C12orf43: variants seen among roughly 807,000 people sequenced by gnomAD.
C12orf43 encodes protein CUSTOS.
Under a neutral mutation model 20.6 loss-of-function variants are expected in C12orf43, and 15 were observed. The observed-to-expected ratio is 0.73, with a 90% CI of 0.49 to 1.12. The LOEUF is 1.12. C12orf43 is among the 50% of genes most tolerant of loss of function. C12orf43 has a pLI of 0.00. For missense variants in C12orf43, 334 were observed against 344.4 expected (o/e 0.97, Z 0.24); for synonymous variants, 144 against 130.8 (o/e 1.10, Z -0.69).
At position 121,004,623 on chromosome 12, in the gene C12orf43, G is replaced by A; in HGVS notation, c.453-134C>T. The A allele has an allele frequency of 1.1e-6, 1 of 904,578 alleles. No individual in the cohort carries two copies. Among genetic ancestry groups the A allele is most frequent in the South Asian group, 1.7e-5 (1 of 58,924 alleles). The allele number at this position is 904,578 out of a possible 1,614,324, so 56.0% of individuals were successfully genotyped here. On this transcript the variant is annotated intron_variant, in intron 5 of 5. Transcript: ENST00000288757. This position sits in a 1 kb window ranked among gnomAD's most constrained non-coding sequence, Gnocchi z 5.6. ...GAGGCAGGTAGTGAGTTCAGGCTTG[G>A]GAGTGAGGCCAACCTGGCTTCCAAT... is the stretch of plus-strand genomic sequence containing the variant.
chr12:121,011,746 T>C (rs1249991331), intron 1 of C12orf43, among the ~76,000 whole-genome samples: 4 of 152,142 alleles, frequency 2.6e-5, no homozygotes, highest in Non-Finnish European at 5.9e-5. Flanking sequence ...CTAAGTGTGA[T>C]TTGACTGCAC....
In C12orf43 at chr12:121,001,691, C is replaced by T. The variant is rs964610441; in HGVS notation, c.*2462G>A. ...ACCGGGCCACTCCTTCCTGCCCCAACTCCTTCCAGCTAGTGACCCACATGC... is the reference window on the plus strand; with the variant it reads ...ACCGGGCCACTCCTTCCTGCCCCAATTCCTTCCAGCTAGTGACCCACATGC... On this transcript the variant is annotated 3_prime_UTR_variant, in exon 6 of 6. Transcript: ENST00000288757. 4.6e-5 allele frequency: 22 copies of T among 481,286 alleles called. No individual in the cohort carries two copies. Among genetic ancestry groups the T allele is most frequent in the Middle Eastern group, 3.0e-4 (1 of 3,304 alleles). The allele number at this position is 481,286 out of a possible 1,614,324, so 29.8% of individuals were successfully genotyped here.
rs745374340 is a variant in C12orf43, at chr12:121,004,092, C to T, written c.*61G>A. ...AGGTGGGGCTTGGAAATGCCTTGTC[C>T]CCAGGGTGGGGGGGACACCTTGTCC... is the stretch of plus-strand genomic sequence containing the variant. On this transcript the variant is annotated 3_prime_UTR_variant, in exon 6 of 6. Coordinates refer to ENST00000288757, the MANE Select transcript of C12orf43 (RefSeq NM_022895.3). The surrounding 1 kb of genome is among the most constrained non-coding windows in gnomAD (Gnocchi z 5.6). 4 of 1,571,156 alleles carry T rather than the reference C, an allele frequency of 2.5e-6. No homozygotes were observed. The Admixed American group carries it at 6.7e-5, about 26-fold the overall frequency.
intron 3 of C12orf43, among the ~76,000 whole-genome samples, chr12:121,008,026 GGGAA>G (rs1436290977): frequency 9.8e-3 from 1 of 102 alleles, no homozygotes; most frequent in African/African-American, 0.025. Context: ...ATCCTATAAT[GGGAA>G]GAAGAAGGAT....
chr12:121,004,028 G>T lies in C12orf43; in HGVS notation c.*125C>A. 1 of 1,099,842 alleles carries T rather than the reference G, an allele frequency of 9.1e-7. No homozygotes were observed. The highest frequency in any genetic ancestry group is 1.4e-6 in the Non-Finnish European group (1 of 724,332). The allele number at this position is 1,099,842 out of a possible 1,614,324, so 68.1% of individuals were successfully genotyped here. A position where few individuals can be genotyped will look rare whatever the true frequency, so the allele number is the denominator to read the frequency against. On this transcript the variant is annotated 3_prime_UTR_variant, in exon 6 of 6. Transcript: ENST00000288757. This position sits in a 1 kb window ranked among gnomAD's most constrained non-coding sequence, Gnocchi z 5.6. ...CATCACCATCAGGGTCTCATGGGCA[G>T]TCTGGGTTTGCCAGCCCAGTCCTTG... is the stretch of plus-strand genomic sequence containing the variant.
chr12:121,008,160 G>A (rs1413354175), intron 3 of C12orf43, among the ~76,000 whole-genome samples: 1 of 151,496 alleles, frequency 6.6e-6, no homozygotes, highest in Non-Finnish European at 1.5e-5. Context: ...TTTGAGATGG[G>A]ATCTCACTCT....
intron 1 of C12orf43, among the ~76,000 whole-genome samples, chr12:121,012,846 G>C (rs1408616395): frequency 1.4e-5 from 1 of 70,776 alleles, no homozygotes; most frequent in Non-Finnish European, 3.1e-5. Flanking sequence ...GCAAGACTCC[G>C]TCTAAAAAAA....
chr12:121,001,289 C>T lies in C12orf43; in HGVS notation c.*2864G>A, dbSNP rs371683540. ...GGAGGACCTGAGCCTGCCGAGCAAC[C>T]GTGGCCCTTCCTGGACAGCTGTGCC... is the stretch of plus-strand genomic sequence containing the variant. On this transcript the variant is annotated 3_prime_UTR_variant, in exon 6 of 6. Coordinates refer to ENST00000288757, the MANE Select transcript of C12orf43 (RefSeq NM_022895.3). 23 of 1,461,032 alleles carry T rather than the reference C, an allele frequency of 1.6e-5. No homozygotes were observed. The highest frequency in any genetic ancestry group is 1.2e-4 in the South Asian group (10 of 83,822). The allele number at this position is 1,461,032 out of a possible 1,614,324, so 90.5% of individuals were successfully genotyped here.
Position 121,000,976 on chromosome 12 carries a change from C to A in C12orf43, c.*3177G>T. On this transcript the variant is annotated 3_prime_UTR_variant, in exon 6 of 6. Transcript: ENST00000288757. The stretch of plus-strand genomic sequence containing the variant: ...CTGTGATCCAGGAGGTGTGGCCCTG[C>A]CTCCCCATCCTGAGTACCCCTAGGG... 1.3e-6 allele frequency: 2 copies of A among 1,560,760 alleles called. No homozygotes were observed. The highest frequency in any genetic ancestry group is 1.8e-6 in the Non-Finnish European group (2 of 1,141,920).
chr12:121,014,566 G>A (rs1868714647), intron 1 of C12orf43, among the ~76,000 whole-genome samples: 1 of 140,852 alleles, frequency 7.1e-6, no homozygotes, highest in Non-Finnish European at 1.5e-5. Flanking sequence ...GGAGGCAGAG[G>A]TTGCAGTGAG....
Position 121,004,564 on chromosome 12 carries a change from C to T in C12orf43, c.453-75G>A. 2.1e-6 allele frequency: 3 copies of T among 1,447,702 alleles called. No homozygotes were observed. Among genetic ancestry groups the T allele is most frequent in the Non-Finnish European group, 2.8e-6 (3 of 1,081,318 alleles). 89.7% of individuals were successfully genotyped at this position (1,447,702 alleles called of 1,614,324 possible). On this transcript the variant is annotated intron_variant, in intron 5 of 5. Transcript: ENST00000288757. The surrounding 1 kb of genome is among the most constrained non-coding windows in gnomAD (Gnocchi z 5.6). ...CCAGAGCTGCCTCTCGCTGTCCTCC[C>T]TTGGTCCAGGTCACCAGAAGGTGGC...
At chr12:121,008,781 T>C (rs1878214728) in intron 3 of C12orf43, among the ~76,000 whole-genome samples, 1 of 152,200 alleles carries the variant, frequency 6.6e-6, no homozygotes, top group South Asian at 2.1e-4. Flanking sequence ...GGAATGACAA[T>C]GGCCCCAAAT....
Position 121,005,507 on chromosome 12 carries a change from G to A in C12orf43, c.362-414C>T, listed in dbSNP as rs112030650. 5.3e-5 allele frequency among the ~76,000 whole-genome samples: 8 copies of A among 152,342 alleles called. No individual in the cohort carries two copies. Among genetic ancestry groups the A allele is most frequent in the African/African-American group, 1.9e-4 (8 of 41,574 alleles). On this transcript the variant is annotated intron_variant, in intron 4 of 5. Coordinates refer to ENST00000288757, the MANE Select transcript of C12orf43 (RefSeq NM_022895.3). The surrounding 1 kb of genome is among the most constrained non-coding windows in gnomAD (Gnocchi z 5.6). Reference sequence around the variant, plus strand: ...ATGCCTGATGGAGCCAGTGGAGGGCGCGCTGGAGCAGGAGCCAGCAGCCAC... The same window carrying A: ...ATGCCTGATGGAGCCAGTGGAGGGCACGCTGGAGCAGGAGCCAGCAGCCAC...
At position 121,003,662 on chromosome 12, in the gene C12orf43, T is replaced by C. The variant is rs1008872509; in HGVS notation, c.*491A>G. On this transcript the variant is annotated 3_prime_UTR_variant, in exon 6 of 6. Coordinates refer to ENST00000288757, the MANE Select transcript of C12orf43 (RefSeq NM_022895.3). ...TCCTTTCTCAGACGATTCTGTGAAGTCTATGTGGGCTAAGGAGAGAAGAAC... is the reference window on the plus strand; with the variant it reads ...TCCTTTCTCAGACGATTCTGTGAAGCCTATGTGGGCTAAGGAGAGAAGAAC... The C allele has an allele frequency of 6.3e-6, 1 of 157,572 alleles. No individual in the cohort carries two copies. Among genetic ancestry groups the C allele is most frequent in the African/African-American group, 2.4e-5 (1 of 41,476 alleles). The allele number at this position is 157,572 out of a possible 1,614,324, so 9.8% of individuals were successfully genotyped here.
rs1414906301 is a variant in C12orf43, at chr12:121,000,879, G to T, written c.*3274C>A. The T allele has an allele frequency of 1.3e-6, 1 of 752,198 alleles. No homozygotes were observed. The highest frequency in any genetic ancestry group is 1.6e-5 in the South Asian group (1 of 62,670). The allele number at this position is 752,198 out of a possible 1,614,324, so 46.6% of individuals were successfully genotyped here. A position where few individuals can be genotyped will look rare whatever the true frequency, so the allele number is the denominator to read the frequency against. On this transcript the variant is annotated 3_prime_UTR_variant, in exon 6 of 6. Coordinates refer to ENST00000288757, the MANE Select transcript of C12orf43 (RefSeq NM_022895.3). ...TACTCAGGCCACTCCATGGGCGGCC[G>T]TGGACCCTGGCTGGGAGGCTCCCTT...
rs1417617546 is a variant in C12orf43, at chr12:121,002,205, C to CT, written c.*1947dup. The CT allele has an allele frequency of 4.4e-6, 2 of 454,608 alleles. No homozygotes were observed. The highest frequency in any genetic ancestry group is 3.9e-5 in the African/African-American group (2 of 51,144). 28.2% of individuals were successfully genotyped at this position (454,608 alleles called of 1,614,324 possible). A position where few individuals can be genotyped will look rare whatever the true frequency, so the allele number is the denominator to read the frequency against. ...GGTGACCCCAGGGCACAGGAGCTACCTGTGTGGACAGGACTAACACTCAGA... is the reference window on the plus strand; with the variant it reads ...GGTGACCCCAGGGCACAGGAGCTACCTTGTGTGGACAGGACTAACACTCAGA... On this transcript the variant is annotated 3_prime_UTR_variant, in exon 6 of 6. Coordinates refer to ENST00000288757, the MANE Select transcript of C12orf43 (RefSeq NM_022895.3).
intron 1 of C12orf43, among the ~76,000 whole-genome samples, chr12:121,013,534 T>A (rs1039063243): frequency 5.3e-5 from 8 of 152,232 alleles, no homozygotes; most frequent in Non-Finnish European, 1.2e-4. Context: ...GAATACGTGG[T>A]CTGCCTCTTT....
In C12orf43 at chr12:121,010,809, A is replaced by C; in HGVS notation, c.287+19T>G. 2 of 1,577,680 alleles carry C rather than the reference A, an allele frequency of 1.3e-6. 1 individual carries two copies. The highest frequency in any genetic ancestry group is 2.3e-5 in the South Asian group (2 of 86,936). On this transcript the variant is annotated intron_variant, in intron 3 of 5. Coordinates refer to ENST00000288757, the MANE Select transcript of C12orf43 (RefSeq NM_022895.3). ...CATATTAACAAGGGCAAGAGAGGAG[A>C]AACTCCACCTTTGTTTACCTGTCCA...
chr12:121,005,142 GA>G lies in C12orf43; in HGVS notation c.362-50del. The G allele has an allele frequency of 1.1e-6, 1 of 912,226 alleles. No homozygotes were observed. Among genetic ancestry groups the G allele is most frequent in the Non-Finnish European group, 1.4e-6 (1 of 694,820 alleles). The allele number at this position is 912,226 out of a possible 1,614,324, so 56.5% of individuals were successfully genotyped here. On this transcript the variant is annotated intron_variant, in intron 4 of 5. Transcript: ENST00000288757. This position sits in a 1 kb window ranked among gnomAD's most constrained non-coding sequence, Gnocchi z 5.6. ...AAACAAAAACAAAACAAAACAAAAA[GA>G]AACATAAAAAAATAAAAAATAAAGA...
Sources: allele counts gnomAD v4.1 joint callset (sites outside exome capture counted in the v4.1 genomes callset), GRCh38; gene constraint gnomAD v4.1.1; non-coding constraint Gnocchi (gnomAD v3.1); transcripts MANE v1.5; gene names NCBI Gene and HGNC (gene_info 2026-07-23, HGNC 2026-07-21).